Variants in CSNK1D observed in about 807,000 individuals in gnomAD.
CSNK1D encodes casein kinase I isoform delta.
CSNK1D carries 16 observed loss-of-function variants against 46.6 expected under a neutral mutation model. The observed-to-expected ratio is 0.34, with a 90% confidence interval of 0.23 to 0.52. The LOEUF (loss-of-function observed/expected upper bound fraction) is 0.52, where lower values mean the gene tolerates loss of function less well. Among genes scored for constraint, CSNK1D ranks in the 20% least tolerant of loss-of-function variants. The pLI, the probability that CSNK1D is intolerant of heterozygous loss-of-function variation, is 0.95. For synonymous variants in CSNK1D, 276 were observed against 228.2 expected, an observed-to-expected ratio of 1.21 and a Z score of -1.89; for missense variants, 398 against 578.4, an observed-to-expected ratio of 0.69 and a Z score of 3.20.
At position 82,244,631 on chromosome 17, in the gene CSNK1D, C is replaced by T. The variant is rs551712479; in HGVS notation, c.*150G>A. 217 of 1,537,956 alleles carry T rather than the reference C, an allele frequency of 1.4e-4. 2 individuals are homozygous for T. The South Asian group carries it at 2.3e-3, about 17-fold the overall frequency. Reference sequence around the variant, plus strand: ...TGGAGTCTGTCCGTTTAGTATGTTTCCCCCACGAGCGTCGCTGGGTGAGTG... The same window carrying T: ...TGGAGTCTGTCCGTTTAGTATGTTTTCCCCACGAGCGTCGCTGGGTGAGTG... On this transcript the variant is annotated 3_prime_UTR_variant, in exon 9 of 9. Transcript: ENST00000314028.
Position 82,248,933 on chromosome 17 carries a change from T to C in CSNK1D, c.1139A>G (p.Asn380Ser). ...GCCTGTGAGGTCGGACGAGGAGATGTTGACGGGGGCCCCGCGGTGCAGCCG... is the reference window on the plus strand; with the variant it reads ...GCCTGTGAGGTCGGACGAGGAGATGCTGACGGGGGCCCCGCGGTGCAGCCG... Reference protein sequence around the residue: ...SMRLHRGAPVNISSSDLTGRQ... With the variant: ...SMRLHRGAPVSISSSDLTGRQ... The change falls in exon 8 of 9, where the codon AAC (asparagine) becomes AGC (serine). Residue 380 changes from asparagine to serine, a missense_variant. This residue lies in a region of CSNK1D where 181 missense variants were observed against 208.0 expected (regional missense o/e 0.87). Coordinates refer to ENST00000314028, the MANE Select transcript of CSNK1D (RefSeq NM_001893.6). This position sits in a 1 kb window ranked among gnomAD's most constrained non-coding sequence, Gnocchi z 4.1. The C allele has an allele frequency of 6.2e-7, 1 of 1,607,118 alleles. No homozygotes were observed. The highest frequency in any genetic ancestry group is 8.5e-7 in the Non-Finnish European group (1 of 1,176,342).
chr17:82,258,359 G>A (rs1014837986), intron 2 of CSNK1D, among the ~76,000 whole-genome samples: 5 of 150,332 alleles, frequency 3.3e-5, no homozygotes, highest in African/African-American at 1.2e-4. Flanking sequence ...TTATATATAT[G>A]CAAATACACA....
At chr17:82,262,497 T>G (rs1003575876) in intron 2 of CSNK1D, among the ~76,000 whole-genome samples, 1 of 152,158 alleles carries the variant, frequency 6.6e-6, no homozygotes, top group African/African-American at 2.4e-5. Context: ...GAAGGCAGCA[T>G]CCATCAAGCA....
Position 82,249,686 on chromosome 17 carries a change from G to T in CSNK1D, c.886-84C>A, listed in dbSNP as rs2050950040. The T allele has an allele frequency of 2.0e-6, 3 of 1,532,716 alleles. No homozygotes were observed. The highest frequency in any genetic ancestry group is 2.6e-6 in the Non-Finnish European group (3 of 1,145,316). 94.9% of individuals were successfully genotyped at this position (1,532,716 alleles called of 1,614,324 possible). ...GTCCTAGGCTGCCCCGGCCACGTGA[G>T]AAAATACCTACCAAAGGGCACTGGG... On this transcript the variant is annotated intron_variant, in intron 6 of 8. Coordinates refer to ENST00000314028, the MANE Select transcript of CSNK1D (RefSeq NM_001893.6). The surrounding 1 kb of genome is among the most constrained non-coding windows in gnomAD (Gnocchi z 6.7).
At position 82,273,617 on chromosome 17, in the gene CSNK1D, C is replaced by G. The variant is rs1047027994; in HGVS notation, c.-236G>C. 1 of 557,154 alleles carries G rather than the reference C, an allele frequency of 1.8e-6. No individual in the cohort carries two copies. Among genetic ancestry groups the G allele is most frequent in the East Asian group, 3.3e-5 (1 of 30,588 alleles). 34.5% of individuals were successfully genotyped at this position (557,154 alleles called of 1,614,324 possible). The stretch of plus-strand genomic sequence containing the variant: ...TCCGGCCCCTACCGGTCCCGCTTGC[C>G]CTCTCCCCGCCGCGGATGGACTCGG... On this transcript the variant is annotated 5_prime_UTR_variant, in exon 1 of 9. Transcript: ENST00000314028. The surrounding 1 kb of genome is among the most constrained non-coding windows in gnomAD (Gnocchi z 5.1).
chr17:82,268,324 G>A (rs374752107), intron 1 of CSNK1D, among the ~76,000 whole-genome samples: 3 of 152,198 alleles, frequency 2.0e-5, no homozygotes, highest in African/African-American at 7.2e-5. Flanking sequence ...CTCGCCCACC[G>A]GGGGCACCCC....
chr17:82,258,782 T>C (rs1339717774), intron 2 of CSNK1D, among the ~76,000 whole-genome samples: 2 of 152,212 alleles, frequency 1.3e-5, no homozygotes, highest in Non-Finnish European at 2.9e-5. Context: ...TCAGGACTCC[T>C]CTTAACAGAG....
rs1444242479 is a variant in CSNK1D, at chr17:82,273,542, AG to A, written c.-162del. The A allele has an allele frequency of 1.1e-6, 1 of 884,626 alleles. No individual in the cohort carries two copies. Among genetic ancestry groups the A allele is most frequent in the Non-Finnish European group, 1.7e-6 (1 of 577,872 alleles). 54.8% of individuals were successfully genotyped at this position (884,626 alleles called of 1,614,324 possible). A position where few individuals can be genotyped will look rare whatever the true frequency, so the allele number is the denominator to read the frequency against. On this transcript the variant is annotated 5_prime_UTR_variant, in exon 1 of 9. Coordinates refer to ENST00000314028, the MANE Select transcript of CSNK1D (RefSeq NM_001893.6). This position sits in a 1 kb window ranked among gnomAD's most constrained non-coding sequence, Gnocchi z 5.1. The stretch of plus-strand genomic sequence containing the variant: ...GCTTTCCTGTCGCCCCGCCGCTCCC[AG>A]CGCCTCAATACGGGGCGGATGGGAC...
downstream of CSNK1D, among the ~76,000 whole-genome samples, chr17:82,241,562 T>C (rs1216913696): frequency 6.6e-6 from 1 of 152,254 alleles, no homozygotes; most frequent in African/African-American, 2.4e-5. Flanking sequence ...GCTGCAGGCC[T>C]GGGAAGCTCA....
intron 2 of CSNK1D, among the ~76,000 whole-genome samples, chr17:82,260,199 T>TG (rs1444893189): frequency 1.4e-5 from 2 of 145,668 alleles, no homozygotes; most frequent in Non-Finnish European, 3.0e-5. Context: ...TGGTGACTGA[T>TG]GGTGTACTGA....
chr17:82,241,404 A>T (rs1008255881), downstream of CSNK1D, among the ~76,000 whole-genome samples: 3 of 152,220 alleles, frequency 2.0e-5, no homozygotes, highest in Non-Finnish European at 2.9e-5. Flanking sequence ...CGTCTAAACC[A>T]TGCCTGAGGA....
chr17:82,245,957 C>G, intron 8 of CSNK1D: 2 of 1,591,298 alleles, frequency 1.3e-6, no homozygotes, highest in Middle Eastern at 1.7e-4. Flanking sequence ...TGCCTGGCGC[C>G]CGCCACGCGC....
chr17:82,272,489 T>TA (rs1214747354), intron 1 of CSNK1D, among the ~76,000 whole-genome samples: 9 of 152,248 alleles, frequency 5.9e-5, no homozygotes, highest in African/African-American at 1.9e-4. Flanking sequence ...TTGAGACTGT[T>TA]ACAGTCTAAA....
At position 82,249,353 on chromosome 17, in the gene CSNK1D, C is replaced by T. The variant is rs1015204286; in HGVS notation, c.1057+78G>A. 202 of 1,392,894 alleles carry T rather than the reference C, an allele frequency of 1.5e-4. No homozygotes were observed. Among genetic ancestry groups the T allele is most frequent in the Admixed American group, 1.2e-3 (59 of 50,378 alleles). The allele number at this position is 1,392,894 out of a possible 1,614,324, so 86.3% of individuals were successfully genotyped here. A position where few individuals can be genotyped will look rare whatever the true frequency, so the allele number is the denominator to read the frequency against. On this transcript the variant is annotated intron_variant, in intron 7 of 8. Coordinates refer to ENST00000314028, the MANE Select transcript of CSNK1D (RefSeq NM_001893.6). This position sits in a 1 kb window ranked among gnomAD's most constrained non-coding sequence, Gnocchi z 6.7. ...GCACTTAGTGTCCACCACCAAGTAC[C>T]CTGTTGTCCCCACCAACCCCAAGAC...
Position 82,243,070 on chromosome 17 carries a change from C to A in CSNK1D, c.*1711G>T. The A allele has an allele frequency of 1.0e-6, 1 of 985,486 alleles. No individual in the cohort carries two copies. Among genetic ancestry groups the A allele is most frequent in the Non-Finnish European group, 1.2e-6 (1 of 829,958 alleles). The allele number at this position is 985,486 out of a possible 1,614,324, so 61.0% of individuals were successfully genotyped here. On this transcript the variant is annotated 3_prime_UTR_variant, in exon 9 of 9. Coordinates refer to ENST00000314028, the MANE Select transcript of CSNK1D (RefSeq NM_001893.6). Reference sequence around the variant, plus strand: ...TCGGCTCTGACCCACCCCAACCTCCCTCTGTACTTCAACACACAGCTCCCA... The same window carrying A: ...TCGGCTCTGACCCACCCCAACCTCCATCTGTACTTCAACACACAGCTCCCA...
chr17:82,239,753 G>A (rs2050713359), downstream of CSNK1D: 2 of 391,046 alleles, frequency 5.1e-6, no homozygotes, highest in Non-Finnish European at 9.0e-6. Flanking sequence ...TTTATTCACT[G>A]CTGTGTTTAA....
chr17:82,247,359 C>T, intron 8 of CSNK1D: 3 of 985,486 alleles, frequency 3.0e-6, no homozygotes, highest in Non-Finnish European at 2.4e-6. Flanking sequence ...GGCAGCTGGA[C>T]TCAGGGCTGT....
chr17:82,273,346 G>A lies in CSNK1D; in HGVS notation c.36C>T (p.Gly12=). The A allele has an allele frequency of 1.2e-6, 2 of 1,610,154 alleles. No individual in the cohort carries two copies. The highest frequency in any genetic ancestry group is 1.7e-6 in the Non-Finnish European group (2 of 1,179,252). Residue 12 remains glycine, a synonymous_variant, in exon 1 of 9, where the codon GGC becomes GGT. Transcript: ENST00000314028. This position sits in a 1 kb window ranked among gnomAD's most constrained non-coding sequence, Gnocchi z 5.1. ...CGAAGGAGCCGCTGCCGATCTTCCG[G>A]CCCAGCCGGTACCTGTTCCCGACTC... is the stretch of plus-strand genomic sequence containing the variant. ...ELRVGNRYRL[G]RKIGSGSFGD...
intron 1 of CSNK1D, among the ~76,000 whole-genome samples, chr17:82,270,100 C>T (rs564944227): frequency 1.1e-4 from 17 of 152,322 alleles, no homozygotes; most frequent in Admixed American, 7.2e-4. Context: ...AAGGGCCTTG[C>T]GGATCTGGCA....
Sources: allele counts gnomAD v4.1 joint callset (sites outside exome capture counted in the v4.1 genomes callset), GRCh38; gene constraint gnomAD v4.1.1; regional missense constraint gnomAD v4.1.1; non-coding constraint Gnocchi (gnomAD v3.1); transcripts MANE v1.5; gene names NCBI Gene and HGNC (gene_info 2026-07-23, HGNC 2026-07-21).